Variants in TM9SF3 observed in about 807,000 individuals in gnomAD.
The protein encoded by TM9SF3 is SM-11044-binding protein.
In TM9SF3, 14 loss-of-function variants were observed where a neutral mutation model predicts 78.6. That is an observed-to-expected ratio of 0.18 (90% CI 0.12 to 0.28). TM9SF3 has a LOEUF of 0.28. Among genes scored for constraint, TM9SF3 ranks in the 10% least tolerant of loss-of-function variants. The probability of loss-of-function intolerance (pLI) is 1.00; values close to 1 mark genes in which losing one functional copy is unlikely to be tolerated. For synonymous variants in TM9SF3, 231 were observed against 241.7 expected, an observed-to-expected ratio of 0.96 and a Z score of 0.41; for missense variants, 496 against 721.9, an observed-to-expected ratio of 0.69 and a Z score of 3.59.
In TM9SF3 at chr10:96,527,428, T is replaced by C. The variant is rs1365779968; in HGVS notation, c.1610A>G (p.Tyr537Cys). ...CTCCACTTACTTTGTTTTGAAAAAA[T>C]AGTAGTAAAAGGAATACATGTAAAC... is the stretch of plus-strand genomic sequence containing the variant. ...IYVYMYSFYY[Y>C]FFKTKMYGLF... The change falls in exon 13 of 15, where the codon TAT (tyrosine) becomes TGT (cysteine). Residue 537 changes from tyrosine to cysteine, a missense_variant. Physicochemically the swap from Tyr to Cys is radical, Grantham distance 194. Coordinates refer to ENST00000371142, the MANE Select transcript of TM9SF3 (RefSeq NM_020123.4). 4 of 1,607,462 alleles carry C rather than the reference T, an allele frequency of 2.5e-6. No individual in the cohort carries two copies. Among genetic ancestry groups the C allele is most frequent in the Non-Finnish European group, 3.4e-6 (4 of 1,177,312 alleles).
chr10:96,559,682 C>G lies in TM9SF3; in HGVS notation c.637G>C (p.Asp213His). 6.3e-7 allele frequency: 1 copy of G among 1,594,700 alleles called. No homozygotes were observed. The highest frequency in any genetic ancestry group is 8.6e-7 in the Non-Finnish European group (1 of 1,168,102). Residue 213 changes from aspartate (D) to histidine (H), a missense_variant, in exon 5 of 15, where the codon GAT becomes CAT. This residue lies in a region of TM9SF3 where 155 missense variants were observed against 241.6 expected (regional missense o/e 0.64). Transcript: ENST00000371142. Reference sequence around the variant, plus strand: ...ACCCGATGTTGAAAAAAGGACGGATCAAGATATTTGTCAAATCGATCTTCA... The same window carrying G: ...ACCCGATGTTGAAAAAAGGACGGATGAAGATATTTGTCAAATCGATCTTCA... ...KFEDRFDKYL[D>H]PSFFQHRIHW...
At chr10:96,564,625 T>C (rs1219318876) in intron 3 of TM9SF3, among the ~76,000 whole-genome samples, 1 of 152,222 alleles carries the variant, frequency 6.6e-6, no homozygotes, top group Non-Finnish European at 1.5e-5. Flanking sequence ...CTGCTAACAA[T>C]TTTAAGCATT....
intron 14 of TM9SF3, among the ~76,000 whole-genome samples, chr10:96,524,536 C>G (rs1208253449): frequency 1.3e-5 from 2 of 151,842 alleles, no homozygotes; most frequent in Non-Finnish European, 2.9e-5. Context: ...CCTAGAGAAT[C>G]ATTTTTCCTA....
At chr10:96,535,615 A>C (rs1847948887) in intron 9 of TM9SF3, among the ~76,000 whole-genome samples, 1 of 152,164 alleles carries the variant, frequency 6.6e-6, no homozygotes, top group Admixed American at 6.5e-5. Context: ...ATTGGTGAAA[A>C]CCCTGGAACT....
intron 5 of TM9SF3, among the ~76,000 whole-genome samples, chr10:96,558,369 C>T (rs771031350): frequency 1.3e-5 from 2 of 152,032 alleles, no homozygotes; most frequent in Non-Finnish European, 2.9e-5. Flanking sequence ...AGGCAGGGCG[C>T]GGTGGCTCAC....
intron 6 of TM9SF3, among the ~76,000 whole-genome samples, chr10:96,551,759 A>G (rs1016261209): frequency 2.0e-5 from 3 of 152,182 alleles, no homozygotes; most frequent in Non-Finnish European, 4.4e-5. Context: ...TCATAGCTGT[A>G]GCTCATATAC....
At chr10:96,557,456 G>C (rs1470120178) in intron 5 of TM9SF3, among the ~76,000 whole-genome samples, 1 of 152,120 alleles carries the variant, frequency 6.6e-6, no homozygotes, top group Non-Finnish European at 1.5e-5. Flanking sequence ...CACCTACCCT[G>C]CTACCACCCT....
intron 5 of TM9SF3, 21 bp downstream of exon 5, chr10:96,559,638 T>A (rs1389785500): frequency 1.3e-6 from 2 of 1,544,252 alleles, no homozygotes; most frequent in Non-Finnish European, 1.8e-6. Flanking sequence ...ATCAATGTCT[T>A]AAAATACACT....
intron 7 of TM9SF3, among the ~76,000 whole-genome samples, chr10:96,549,816 TTAAA>T (rs1848146533): frequency 8.2e-6 from 1 of 121,820 alleles, no homozygotes; most frequent in Non-Finnish European, 1.7e-5. Flanking sequence ...CTTCTGCATT[TTAAA>T]AAAAAAAAAA....
chr10:96,550,513 C>T (rs1017249487), intron 7 of TM9SF3, among the ~76,000 whole-genome samples: 3 of 152,084 alleles, frequency 2.0e-5, no homozygotes, highest in South Asian at 2.1e-4. Flanking sequence ...TTCATATGGC[C>T]GCACCTGAAA....
rs574169165 is a variant in TM9SF3 at position 96,551,977 on chromosome 10, C to G, written c.793-566G>C. On this transcript the variant is annotated intron_variant, in intron 6 of 14. Transcript: ENST00000371142. ...TTGCAACCTTAGTAAGCAAGTGCTC[C>G]TTAAACAGTTTCTAACACAGCTTGT... is the stretch of plus-strand genomic sequence containing the variant. Among the ~76,000 whole-genome samples the G allele has an allele frequency of 1.1e-4, 16 of 152,176 alleles. No homozygotes were observed. In the East Asian group the frequency reaches 2.9e-3, roughly 27 times the overall value.
intron 2 of TM9SF3, among the ~76,000 whole-genome samples, chr10:96,574,620 A>G (rs1450667720): frequency 2.0e-5 from 3 of 152,240 alleles, no homozygotes; most frequent in South Asian, 2.1e-4. Flanking sequence ...AGATACATAC[A>G]CATGTATGTT....
At chr10:96,582,020 TAGTA>T (rs1310011364) in intron 1 of TM9SF3, among the ~76,000 whole-genome samples, 1 of 152,148 alleles carries the variant, frequency 6.6e-6, no homozygotes, top group Non-Finnish European at 1.5e-5. Flanking sequence ...TCCTTGTCAC[TAGTA>T]GCTCCCTAAT....
At chr10:96,532,909 T>G (rs1429476980) in intron 10 of TM9SF3, 142 bp downstream of exon 10, 1 of 966,750 alleles carries the variant, frequency 1.0e-6, no homozygotes, top group Non-Finnish European at 1.5e-6. Flanking sequence ...TTAAAGGAAA[T>G]AGTAAAATGA....
intron 9 of TM9SF3, among the ~76,000 whole-genome samples, chr10:96,535,163 G>A (rs1301114110): frequency 1.3e-5 from 2 of 152,174 alleles, no homozygotes; most frequent in Admixed American, 6.5e-5. Context: ...CTTAGCATTT[G>A]TCAATATTTT....
intron 9 of TM9SF3, among the ~76,000 whole-genome samples, chr10:96,541,210 GAAAGA>G (rs1027563982): frequency 4.2e-4 from 1 of 2,370 alleles, no homozygotes; most frequent in African/African-American, 4.7e-4. Context: ...TACAGCCCAC[GAAAGA>G]AAAGACTTTG....
At chr10:96,573,058 GTA>G (rs1848457014) in intron 2 of TM9SF3, among the ~76,000 whole-genome samples, 1 of 152,144 alleles carries the variant, frequency 6.6e-6, no homozygotes, top group Non-Finnish European at 1.5e-5. Context: ...AAACATGTAT[GTA>G]TGTGTACGTA....
At chr10:96,570,259 T>C (rs1381023986) in intron 2 of TM9SF3, among the ~76,000 whole-genome samples, 3 of 152,328 alleles carry the variant, frequency 2.0e-5, no homozygotes. Flanking sequence ...AATAAATATA[T>C]GTAGAATGAA....
intron 1 of TM9SF3, among the ~76,000 whole-genome samples, chr10:96,578,851 G>C (rs1023959189): frequency 6.6e-6 from 1 of 152,188 alleles, no homozygotes; most frequent in East Asian, 1.9e-4. Flanking sequence ...CAAAGCAGGC[G>C]GATCACTTAA....
Sources: allele counts gnomAD v4.1 joint callset (sites outside exome capture counted in the v4.1 genomes callset), GRCh38; gene constraint gnomAD v4.1.1; regional missense constraint gnomAD v4.1.1; transcripts MANE v1.5; gene names NCBI Gene and HGNC (gene_info 2026-07-23, HGNC 2026-07-21).